Variants in CCDC171 observed in about 807,000 individuals in gnomAD.
CCDC171 encodes the protein coiled-coil domain containing 171.
A neutral mutation model predicts 168.2 loss-of-function variants in CCDC171; 177 were observed. The observed-to-expected ratio is 1.05, with a 90% CI of 0.93 to 1.19. The LOEUF (loss-of-function observed/expected upper bound fraction) is 1.19, where lower values mean the gene tolerates loss of function less well. Among genes scored for constraint, CCDC171 ranks in the 50% most tolerant of loss-of-function variants. The pLI is 0.00. For synonymous variants in CCDC171, 687 were observed against 540.8 expected, an observed-to-expected ratio of 1.27 and a Z score of -3.75; for missense variants, 1,991 against 1,539.0, an observed-to-expected ratio of 1.29 and a Z score of -4.91.
chr9:15,619,487 A>G (rs983176050), intron 6 of CCDC171, among the ~76,000 whole-genome samples: 1 of 152,232 alleles, frequency 6.6e-6, no homozygotes, highest in African/African-American at 2.4e-5. Context: ...AGCCTAATTT[A>G]GAACAAGACC....
intron 7 of CCDC171, among the ~76,000 whole-genome samples, chr9:15,629,126 C>A (rs549122882): frequency 2.6e-5 from 4 of 152,142 alleles, no homozygotes. Context: ...CAGAGCGCCT[C>A]TCCTCCTCCA....
chr9:15,854,782 A>G (rs1328134178), intron 23 of CCDC171, among the ~76,000 whole-genome samples: 2 of 151,448 alleles, frequency 1.3e-5, no homozygotes. Context: ...GTTTTGGTTT[A>G]TTATTTTTTT....
chr9:15,664,547 C>A (rs534626324), intron 8 of CCDC171, among the ~76,000 whole-genome samples: 1 of 83,658 alleles, frequency 1.2e-5, no homozygotes, highest in South Asian at 3.8e-4. Flanking sequence ...CTGTGCTTGG[C>A]CTGTAGGCCC....
At chr9:15,747,529 C>T (rs1053620090) in intron 18 of CCDC171, among the ~76,000 whole-genome samples, 1 of 152,194 alleles carries the variant, frequency 6.6e-6, no homozygotes, top group Admixed American at 6.5e-5. Flanking sequence ...AGGTGCCCCT[C>T]TGGGACGAAG....
rs190239320 is a variant in CCDC171 at position 15,650,583 on chromosome 9, A to G, written c.823-6544A>G. ...TACTCATATTTTGAGTTGTCCTTTTATCGTATGATTTCTTTTTTTATTCTG... is the reference window on the plus strand; with the variant it reads ...TACTCATATTTTGAGTTGTCCTTTTGTCGTATGATTTCTTTTTTTATTCTG... On this transcript the variant is annotated intron_variant, in intron 7 of 25. Coordinates refer to ENST00000380701, the MANE Select transcript of CCDC171 (RefSeq NM_173550.4). Among the ~76,000 whole-genome samples, 208 of 152,052 alleles carry G rather than the reference A, an allele frequency of 1.4e-3. 1 individual carries two copies. The highest frequency in any genetic ancestry group is 4.3e-3 in the African/African-American group (177 of 41,498).
intron 6 of CCDC171, among the ~76,000 whole-genome samples, chr9:15,595,551 T>C (rs2042285936): frequency 6.6e-6 from 1 of 152,186 alleles, no homozygotes; most frequent in African/African-American, 2.4e-5. Flanking sequence ...TCTATCATTG[T>C]TGGACATTTG....
chr9:15,941,717 G>T (rs1030625604), intron 25 of CCDC171, among the ~76,000 whole-genome samples: 1 of 151,914 alleles, frequency 6.6e-6, no homozygotes, highest in Non-Finnish European at 1.5e-5. Context: ...GACAGTAGCA[G>T]CCTGAAATGC....
chr9:15,580,576 T>C (rs549921352), intron 4 of CCDC171, among the ~76,000 whole-genome samples: 3 of 152,042 alleles, frequency 2.0e-5, no homozygotes, highest in South Asian at 2.1e-4. Context: ...AAAGGACATA[T>C]ATAGACAATT....
chr9:15,589,286 C>A (rs1047365699), intron 4 of CCDC171, among the ~76,000 whole-genome samples: 1 of 152,154 alleles, frequency 6.6e-6, no homozygotes, highest in Non-Finnish European at 1.5e-5. Context: ...AGACTTAACT[C>A]CCTTAAGCCC....
chr9:16,051,664 A>G (rs755199045), intron 1 of CCDC171, among the ~76,000 whole-genome samples: 2 of 152,194 alleles, frequency 1.3e-5, no homozygotes, highest in Non-Finnish European at 2.9e-5. Context: ...TGGATCTGGA[A>G]TCAAACCCCA....
intron 24 of CCDC171, among the ~76,000 whole-genome samples, chr9:15,899,430 G>T (rs183682366): frequency 2.0e-5 from 3 of 152,194 alleles, no homozygotes; most frequent in Non-Finnish European, 4.4e-5. Context: ...CAGAATGACT[G>T]CCATTTTTTT....
chr9:15,708,520 T>C (rs2052418161), intron 11 of CCDC171, among the ~76,000 whole-genome samples: 5 of 152,240 alleles, frequency 3.3e-5, no homozygotes, highest in Admixed American at 3.3e-4. Flanking sequence ...GTGTAGGTGC[T>C]GCTTTCTGAG....
At chr9:15,725,277 T>G (rs773970001) in intron 14 of CCDC171, among the ~76,000 whole-genome samples, 1 of 152,182 alleles carries the variant, frequency 6.6e-6, no homozygotes, top group Non-Finnish European at 1.5e-5. Flanking sequence ...AAGGTTCCTG[T>G]TTGCCAATGA....
chr9:15,941,183 T>G (rs1414660613), intron 25 of CCDC171, among the ~76,000 whole-genome samples: 1 of 152,024 alleles, frequency 6.6e-6, no homozygotes, highest in Admixed American at 6.6e-5. Flanking sequence ...ATGTTTCAGT[T>G]TCTATTTTTT....
intron 25 of CCDC171, among the ~76,000 whole-genome samples, chr9:15,942,982 A>T (rs1827897179): frequency 1.3e-5 from 2 of 152,008 alleles, no homozygotes; most frequent in South Asian, 4.1e-4. Context: ...TCTGAGCTTT[A>T]ACTGCTGAAC....
At chr9:15,586,172 G>T (rs2041542584) in intron 4 of CCDC171, among the ~76,000 whole-genome samples, 1 of 152,188 alleles carries the variant, frequency 6.6e-6, no homozygotes, top group Non-Finnish European at 1.5e-5. Context: ...GGACTGCTGG[G>T]TGGATAAATG....
chr9:15,808,598 G>T (rs974531255), intron 21 of CCDC171, among the ~76,000 whole-genome samples: 1 of 152,050 alleles, frequency 6.6e-6, no homozygotes, highest in Non-Finnish European at 1.5e-5. Flanking sequence ...CTTTCAGAGA[G>T]CAGGGTGCTT....
At chr9:15,649,836 TG>T (rs1338522474) in intron 7 of CCDC171, among the ~76,000 whole-genome samples, 2 of 152,244 alleles carry the variant, frequency 1.3e-5, no homozygotes, top group African/African-American at 2.4e-5. Flanking sequence ...TGGAAGACAG[TG>T]TGGCAATTCC....
rs113068285 is a variant in CCDC171 at position 15,671,285 on chromosome 9, A to T, written c.1076+4962A>T. 5.6e-3 allele frequency among the ~76,000 whole-genome samples: 859 copies of T among 152,110 alleles called. 3 individuals carry two copies. Among genetic ancestry groups the T allele is most frequent in the Non-Finnish European group, 9.6e-3 (654 of 67,986 alleles). On this transcript the variant is annotated intron_variant, in intron 9 of 25. Coordinates refer to ENST00000380701, the MANE Select transcript of CCDC171 (RefSeq NM_173550.4). ...TATCATTTTAAATTTCTTCTAAGAG[A>T]TGTTCCTCCTGGACTCTTCTGTCTA...
Sources: gnomAD v4.1 joint callset for allele counts (sites outside exome capture counted in the v4.1 genomes callset) on GRCh38, gnomAD v4.1.1 for gene constraint, MANE v1.5 for transcripts, NCBI Gene and HGNC (gene_info 2026-07-23, HGNC 2026-07-21) for gene names.